The following SPATS2L variants were observed in gnomAD, a reference collection of about 807,000 sequenced individuals.
SPATS2L encodes the protein spermatogenesis associated serine rich 2 like.
A neutral mutation model predicts 59.6 loss-of-function variants in SPATS2L; 30 were observed. The observed-to-expected ratio is 0.50, with a 90% CI of 0.38 to 0.68. SPATS2L has a LOEUF of 0.68. Ranked by LOEUF, SPATS2L falls within the 30% of genes least tolerant of loss-of-function variation. The pLI, the probability that SPATS2L is intolerant of heterozygous loss-of-function variation, is 0.00. For synonymous variants in SPATS2L, 252 were observed against 263.5 expected (o/e 0.96, Z 0.42); for missense variants, 615 against 700.0 (o/e 0.88, Z 1.37).
chr2:200,426,082 C>CTTTTTTT (rs769997762), intron 6 of SPATS2L, among the ~76,000 whole-genome samples: 2 of 62,326 alleles, frequency 3.2e-5, no homozygotes, highest in African/African-American at 6.5e-5. Flanking sequence ...TAGGTTTTTA[C>CTTTTTTT]TTTTTTTTTT....
At chr2:200,445,425 C>G (rs1263552314) in intron 8 of SPATS2L, among the ~76,000 whole-genome samples, 1 of 152,194 alleles carries the variant, frequency 6.6e-6, no homozygotes, top group Non-Finnish European at 1.5e-5. Flanking sequence ...GCTACTGAAG[C>G]CCTGTTGATA....
At chr2:200,398,764 A>G (rs1350664758) in intron 3 of SPATS2L, among the ~76,000 whole-genome samples, 2 of 152,202 alleles carry the variant, frequency 1.3e-5, no homozygotes, top group African/African-American at 4.8e-5. Context: ...GTGAAAGACC[A>G]AAAGGGAGAC....
chr2:200,366,729 C>G (rs1442693325), intron 2 of SPATS2L, among the ~76,000 whole-genome samples: 2 of 152,142 alleles, frequency 1.3e-5, no homozygotes, highest in Admixed American at 6.5e-5. Flanking sequence ...TTAGCTAACT[C>G]CTAACTAATG....
intron 2 of SPATS2L, among the ~76,000 whole-genome samples, chr2:200,361,550 C>A (rs1299114955): frequency 6.6e-6 from 1 of 152,206 alleles, no homozygotes; most frequent in Non-Finnish European, 1.5e-5. Context: ...TTCTCCAAAT[C>A]GTTAAGGCTT....
At chr2:200,476,896 A>G (rs1442898754) in intron 12 of SPATS2L, among the ~76,000 whole-genome samples, 1 of 152,202 alleles carries the variant, frequency 6.6e-6, no homozygotes, top group African/African-American at 2.4e-5. Context: ...TGCCATTGAA[A>G]GTGGCTCTCA....
chr2:200,321,325 ACT>A (rs909432527), intron 1 of SPATS2L, among the ~76,000 whole-genome samples: 1 of 151,970 alleles, frequency 6.6e-6, no homozygotes, highest in Admixed American at 6.6e-5. Flanking sequence ...AATTCCTTAA[ACT>A]CTCTAAACCT....
At chr2:200,401,879 G>C (rs1026284606) in intron 3 of SPATS2L, among the ~76,000 whole-genome samples, 5 of 152,174 alleles carry the variant, frequency 3.3e-5, no homozygotes, top group Non-Finnish European at 7.3e-5. Flanking sequence ...TGGAGCTCCA[G>C]ATTTACAGAT....
chr2:200,433,335 T>A (rs1416908944), intron 6 of SPATS2L, among the ~76,000 whole-genome samples: 4 of 152,016 alleles, frequency 2.6e-5, no homozygotes, highest in African/African-American at 9.7e-5. Context: ...TTGAGCCAAT[T>A]GATATTTAAA....
Position 200,306,814 on chromosome 2 carries a change from C to T in SPATS2L, c.-181C>T, listed in dbSNP as rs1257026589. On this transcript the variant is annotated 5_prime_UTR_variant, in exon 1 of 13. Transcript: ENST00000409140. ...GCCCAGGCAGCGGCTCCCGCTCGGCCCGCCCTCCGAGCCGCAGGGGCCGCC... is the reference window on the plus strand; with the variant it reads ...GCCCAGGCAGCGGCTCCCGCTCGGCTCGCCCTCCGAGCCGCAGGGGCCGCC... The T allele has an allele frequency of 5.1e-6, 5 of 980,792 alleles. No homozygotes were observed. In the African/African-American group the frequency reaches 8.8e-5, roughly 17 times the overall value. The allele number at this position is 980,792 out of a possible 1,614,324, so 60.8% of individuals were successfully genotyped here.
intron 2 of SPATS2L, among the ~76,000 whole-genome samples, chr2:200,363,883 G>T (rs1205833560): frequency 6.6e-6 from 1 of 152,210 alleles, no homozygotes; most frequent in African/African-American, 2.4e-5. Flanking sequence ...GGAGGTTGTG[G>T]TGGAAGATCA....
At chr2:200,308,139 G>A (rs1180052768) in intron 1 of SPATS2L, among the ~76,000 whole-genome samples, 2 of 151,794 alleles carry the variant, frequency 1.3e-5, no homozygotes, top group Admixed American at 6.6e-5. Context: ...CTTAAAGGAA[G>A]GTTTCAGCAC....
At chr2:200,375,570 G>A (rs539765013) in intron 2 of SPATS2L, among the ~76,000 whole-genome samples, 34 of 152,194 alleles carry the variant, frequency 2.2e-4, no homozygotes, top group Non-Finnish European at 4.7e-4. Flanking sequence ...GGGAGGAAGA[G>A]CAGAGTGGAT....
intron 2 of SPATS2L, among the ~76,000 whole-genome samples, chr2:200,363,646 T>C (rs1039568102): frequency 6.6e-6 from 1 of 152,234 alleles, no homozygotes; most frequent in Non-Finnish European, 1.5e-5. Context: ...ACAGAAGATA[T>C]TAAAAATGAC....
intron 2 of SPATS2L, among the ~76,000 whole-genome samples, chr2:200,381,686 T>C (rs563864190): frequency 6.6e-6 from 1 of 152,330 alleles, no homozygotes; most frequent in African/African-American, 2.4e-5. Flanking sequence ...GGATGCTGTT[T>C]TGCCTGAGAG....
At chr2:200,343,337 A>C (rs2080396102) in intron 2 of SPATS2L, among the ~76,000 whole-genome samples, 1 of 152,226 alleles carries the variant, frequency 6.6e-6, no homozygotes, top group South Asian at 2.1e-4. Context: ...TATATAATAT[A>C]AAATCACCTA....
intron 2 of SPATS2L, among the ~76,000 whole-genome samples, chr2:200,353,819 A>G (rs1268769561): frequency 6.6e-6 from 1 of 152,228 alleles, no homozygotes; most frequent in Admixed American, 6.5e-5. Flanking sequence ...ATTGTAGGAA[A>G]CTACAGCTTT....
chr2:200,474,974 C>T (rs1423646230), intron 12 of SPATS2L, among the ~76,000 whole-genome samples: 2 of 152,278 alleles, frequency 1.3e-5, no homozygotes, highest in South Asian at 2.1e-4. Context: ...AGTCAGTACT[C>T]GAGATCCTGG....
intron 6 of SPATS2L, among the ~76,000 whole-genome samples, chr2:200,422,692 A>G (rs72922012): frequency 6.6e-6 from 1 of 152,168 alleles, no homozygotes; most frequent in Non-Finnish European, 1.5e-5. Context: ...TTTTAGCTAT[A>G]GTAATCTGCC....
At chr2:200,368,715 C>T (rs2081335557) in intron 2 of SPATS2L, among the ~76,000 whole-genome samples, 1 of 152,016 alleles carries the variant, frequency 6.6e-6, no homozygotes, top group South Asian at 2.1e-4. Context: ...GGGGAAATCC[C>T]AAATATTTCA....
Sources: gnomAD v4.1 joint callset for allele counts (sites outside exome capture counted in the v4.1 genomes callset) on GRCh38, gnomAD v4.1.1 for gene constraint, MANE v1.5 for transcripts, NCBI Gene and HGNC (gene_info 2026-07-23, HGNC 2026-07-21) for gene names.